CNPY1: variants seen among roughly 807,000 people sequenced by gnomAD.
CNPY1 encodes the protein protein canopy homolog 1.
Under a neutral mutation model 14.4 loss-of-function variants are expected in CNPY1, and 14 were observed. The ratio of observed to expected loss-of-function variants is 0.97; its 90% confidence interval spans 0.64 to 1.52. The LOEUF is 1.52. Among genes scored for constraint, CNPY1 ranks in the 40% most tolerant of loss-of-function variants. CNPY1 has a pLI of 0.00. For missense variants in CNPY1, 129 were observed against 131.5 expected, an observed-to-expected ratio of 0.98 and a Z score of 0.09; for synonymous variants, 43 against 46.5, an observed-to-expected ratio of 0.92 and a Z score of 0.31.
intron 2 of CNPY1, among the ~76,000 whole-genome samples, chr7:155,510,077 C>G (rs1038505791): frequency 6.6e-6 from 1 of 152,248 alleles, no homozygotes; most frequent in Non-Finnish European, 1.5e-5. Context: ...ATGACAACCG[C>G]AGTGAAAGGG....
At chr7:155,517,663 C>T (rs769443809) in intron 2 of CNPY1, among the ~76,000 whole-genome samples, 4 of 152,216 alleles carry the variant, frequency 2.6e-5, no homozygotes, top group Admixed American at 6.5e-5. Context: ...ATCTGAATTT[C>T]TCCTGCAACA....
intron 3 of CNPY1, 130 bp from the exon 4 acceptor site, chr7:155,507,246 G>T (rs762561651): frequency 2.1e-4 from 135 of 656,182 alleles, no homozygotes; most frequent in Non-Finnish European, 3.0e-4. Flanking sequence ...ATTTTTATTC[G>T]CCCTTTTGGT....
At chr7:155,527,054 C>CTTTCTTTCTTTCTTTCTTTTTTTTT (rs56296833) in intron 2 of CNPY1, among the ~76,000 whole-genome samples, 3 of 90,346 alleles carry the variant, frequency 3.3e-5, no homozygotes, top group Non-Finnish European at 4.1e-5. Context: ...TTCTTTCTTT[C>CTTTCTTTCTTTCTTTCTTTTTTTTT]TTTTTTTTTT....
At chr7:155,514,580 T>C (rs1796581684) in intron 2 of CNPY1, among the ~76,000 whole-genome samples, 1 of 152,214 alleles carries the variant, frequency 6.6e-6, no homozygotes, top group Admixed American at 6.5e-5. Context: ...TGCGGGCATA[T>C]GGCAAGACTT....
chr7:155,506,370 G>C (rs539691317), intron 4 of CNPY1, among the ~76,000 whole-genome samples: 1 of 152,324 alleles, frequency 6.6e-6, no homozygotes, highest in South Asian at 2.1e-4. Flanking sequence ...AGAGCGGAGA[G>C]TCAGTGACCA....
At chr7:155,511,850 T>G (rs1452862614) in intron 2 of CNPY1, among the ~76,000 whole-genome samples, 1 of 152,208 alleles carries the variant, frequency 6.6e-6, no homozygotes. Flanking sequence ...ATCAATTTTT[T>G]TGAGAAAGTA....
chr7:155,523,404 G>A (rs550480635), intron 2 of CNPY1, among the ~76,000 whole-genome samples: 1 of 152,188 alleles, frequency 6.6e-6, no homozygotes, highest in Admixed American at 6.5e-5. Context: ...TCAATGTTAG[G>A]GTTTGTTTCC....
At chr7:155,531,435 G>A (rs1056462849) in intron 2 of CNPY1, among the ~76,000 whole-genome samples, 1 of 152,174 alleles carries the variant, frequency 6.6e-6, no homozygotes, top group Non-Finnish European at 1.5e-5. Context: ...GAGAGGCTTC[G>A]ACAACTAATT....
At chr7:155,504,224 A>G (rs1224359236) in intron 4 of CNPY1, among the ~76,000 whole-genome samples, 1 of 152,220 alleles carries the variant, frequency 6.6e-6, no homozygotes, top group African/African-American at 2.4e-5. Context: ...TTGTAATCCT[A>G]TAACCTTTCA....
At chr7:155,521,281 C>A (rs866284906) in intron 2 of CNPY1, among the ~76,000 whole-genome samples, 1 of 152,122 alleles carries the variant, frequency 6.6e-6, no homozygotes, top group Non-Finnish European at 1.5e-5. Flanking sequence ...GAGCTCTGTG[C>A]GAAGGACTGA....
intron 2 of CNPY1, among the ~76,000 whole-genome samples, chr7:155,522,544 C>T (rs1400280255): frequency 6.6e-6 from 1 of 152,238 alleles, no homozygotes; most frequent in African/African-American, 2.4e-5. Flanking sequence ...GGGTGAGTCT[C>T]TTGCTCAGGG....
At chr7:155,534,452 G>C (rs1585333061) in intron 2 of CNPY1, among the ~76,000 whole-genome samples, 1 of 152,118 alleles carries the variant, frequency 6.6e-6, no homozygotes, top group Non-Finnish European at 1.5e-5. Flanking sequence ...TGCACACACA[G>C]ACACACACAC....
intron 2 of CNPY1, among the ~76,000 whole-genome samples, chr7:155,521,408 G>T (rs1454410792): frequency 6.6e-6 from 1 of 152,224 alleles, no homozygotes; most frequent in Admixed American, 6.5e-5. Flanking sequence ...TGCACGCCAT[G>T]AAGCCAAACG....
At chr7:155,514,976 G>A (rs1796589876) in intron 2 of CNPY1, among the ~76,000 whole-genome samples, 1 of 152,164 alleles carries the variant, frequency 6.6e-6, no homozygotes, top group African/African-American at 2.4e-5. Context: ...ACTGGATGAT[G>A]AGTCAGGAAA....
chr7:155,540,720 C>T (rs925220498), intron 2 of CNPY1, among the ~76,000 whole-genome samples: 1 of 152,238 alleles, frequency 6.6e-6, no homozygotes, highest in African/African-American at 2.4e-5. Context: ...TAACACACGG[C>T]TTGCCCTGGT....
chr7:155,529,016 G>A (rs1294225953), intron 2 of CNPY1, among the ~76,000 whole-genome samples: 3 of 151,448 alleles, frequency 2.0e-5, no homozygotes, highest in East Asian at 1.9e-4. Context: ...AGCAGAGATC[G>A]CGCCACTGCA....
intron 2 of CNPY1, among the ~76,000 whole-genome samples, chr7:155,523,225 A>G (rs1156618060): frequency 3.9e-5 from 6 of 152,226 alleles, no homozygotes; most frequent in Admixed American, 2.6e-4. Flanking sequence ...ATCTAATACC[A>G]GGCTTGGGAA....
intron 2 of CNPY1, among the ~76,000 whole-genome samples, chr7:155,518,860 A>G (rs1796668525): frequency 6.6e-6 from 1 of 152,218 alleles, no homozygotes; most frequent in Admixed American, 6.5e-5. Context: ...TACCTTGCGC[A>G]GGCACATGCC....
At chr7:155,507,496 A>AAAAAAAAAAAAAAAAAAAAAAAC (rs1796365580) in intron 3 of CNPY1, among the ~76,000 whole-genome samples, 1 of 147,100 alleles carries the variant, frequency 6.8e-6, no homozygotes, top group African/African-American at 2.5e-5. Flanking sequence ...AAAAAAAAAA[A>AAAAAAAAAAAAAAAAAAAAAAAC]AAAGAAGACC....
Sources: allele counts gnomAD v4.1 joint callset (sites outside exome capture counted in the v4.1 genomes callset), GRCh38; gene constraint gnomAD v4.1.1; transcripts MANE v1.5; gene names NCBI Gene and HGNC (gene_info 2026-07-23, HGNC 2026-07-21).